Variants in DYM observed in about 807,000 individuals in gnomAD.
The protein encoded by DYM is dymeclin.
Under a neutral mutation model 93.1 loss-of-function variants are expected in DYM, and 78 were observed. That is an observed-to-expected ratio of 0.84 (90% CI 0.70 to 1.01). DYM has a LOEUF of 1.01. DYM is among the 50% of genes least tolerant of loss of function. The pLI is 0.00. For missense variants in DYM, 789 were observed against 845.0 expected, an observed-to-expected ratio of 0.93 and a Z score of 0.82; for synonymous variants, 321 against 319.7, an observed-to-expected ratio of 1.00 and a Z score of -0.04.
At chr18:49,441,311 A>AATTAT (rs1568455312) in intron 1 of DYM, among the ~76,000 whole-genome samples, 1 of 34,382 alleles carries the variant, frequency 2.9e-5, no homozygotes, top group African/African-American at 1.8e-4. Flanking sequence ...ATATATAATT[A>AATTAT]ATATATAATT....
chr18:49,316,814 T>C (rs140788149), intron 8 of DYM, among the ~76,000 whole-genome samples: 46 of 152,286 alleles, frequency 3.0e-4, no homozygotes, highest in Non-Finnish European at 2.1e-4. Context: ...TCATACAGTA[T>C]AGACAGCCTC....
intron 17 of DYM, among the ~76,000 whole-genome samples, chr18:49,080,942 G>C (rs1280155342): frequency 6.6e-6 from 1 of 151,242 alleles, no homozygotes; most frequent in Admixed American, 6.6e-5. Context: ...TTCCCAGATG[G>C]GATGGCTGCG....
chr18:49,342,718 C>A (rs1470705032), intron 6 of DYM, among the ~76,000 whole-genome samples: 2 of 152,132 alleles, frequency 1.3e-5, no homozygotes, highest in African/African-American at 2.4e-5. Flanking sequence ...TTTTAATGTA[C>A]CCTTTCTATG....
intron 15 of DYM, among the ~76,000 whole-genome samples, chr18:49,142,732 C>T (rs1477278344): frequency 6.6e-6 from 1 of 152,118 alleles, no homozygotes; most frequent in Non-Finnish European, 1.5e-5. Flanking sequence ...ATAAAATTTT[C>T]AAGTTACTTA....
intron 10 of DYM, 64 bp from the exon 11 acceptor site, chr18:49,272,367 C>A: frequency 9.0e-7 from 1 of 1,109,104 alleles, no homozygotes; most frequent in Non-Finnish European, 1.3e-6. Context: ...TGTTTTAAAT[C>A]TTTACACTTT....
chr18:49,311,427 A>C (rs902833036), intron 8 of DYM, among the ~76,000 whole-genome samples: 12 of 152,184 alleles, frequency 7.9e-5, no homozygotes, highest in African/African-American at 2.7e-4. Context: ...ATTCACATAA[A>C]AGATGTTTAT....
intron 5 of DYM, among the ~76,000 whole-genome samples, chr18:49,377,013 G>A (rs1354919148): frequency 1.3e-5 from 2 of 152,148 alleles, no homozygotes; most frequent in Non-Finnish European, 2.9e-5. Flanking sequence ...TCAGGTAATG[G>A]GGTCTCAGAG....
At chr18:49,214,622 T>G (rs2092943164) in intron 13 of DYM, among the ~76,000 whole-genome samples, 2 of 151,814 alleles carry the variant, frequency 1.3e-5, no homozygotes, top group Non-Finnish European at 2.9e-5. Context: ...GAAGAGGGGC[T>G]GAAGGGGCTA....
At chr18:49,129,356 G>GA (rs934016714) in intron 15 of DYM, among the ~76,000 whole-genome samples, 7 of 152,086 alleles carry the variant, frequency 4.6e-5, no homozygotes, top group African/African-American at 1.7e-4. Flanking sequence ...TTAGTGAGGA[G>GA]AAAAAAACCA....
At chr18:49,163,072 T>A (rs1259066531) in intron 15 of DYM, among the ~76,000 whole-genome samples, 1 of 152,244 alleles carries the variant, frequency 6.6e-6, no homozygotes, top group African/African-American at 2.4e-5. Flanking sequence ...ATACTTCCTA[T>A]AAAATCATCC....
intron 2 of DYM, among the ~76,000 whole-genome samples, chr18:49,394,424 T>G (rs529381408): frequency 5.9e-5 from 9 of 152,318 alleles, no homozygotes; most frequent in Non-Finnish European, 1.3e-4. Context: ...GCTGTTTTGG[T>G]TACTATTGCT....
At chr18:49,142,684 G>A (rs7236594) in intron 15 of DYM, among the ~76,000 whole-genome samples, 151,523 of 152,314 alleles carry the variant, frequency 0.99, 75,378 homozygotes, top group Middle Eastern at 1. Flanking sequence ...AGAGTACTTT[G>A]TCTATTTGCA....
In DYM at chr18:49,101,862, A is replaced by G. The variant is rs1599751353; in HGVS notation, c.1912-4347T>C. On this transcript the variant is annotated intron_variant, in intron 16 of 17. Coordinates refer to ENST00000675505, the MANE Select transcript of DYM (RefSeq NM_001353214.3). ...AGAAAGACACAGTGTAATTTGTGAG[A>G]TAAGACAGATCAAACCTGTATAATT... is the stretch of plus-strand genomic sequence containing the variant. 5.3e-5 allele frequency among the ~76,000 whole-genome samples: 8 copies of G among 152,314 alleles called. No homozygotes were observed. In the South Asian group the frequency reaches 1.4e-3, roughly 28 times the overall value.
At chr18:49,283,445 C>T (rs555553944) in intron 9 of DYM, among the ~76,000 whole-genome samples, 1 of 149,906 alleles carries the variant, frequency 6.7e-6, no homozygotes, top group Non-Finnish European at 1.5e-5. Context: ...TTTTAAAGTA[C>T]AGTCACTGGA....
chr18:49,100,509 G>A (rs986260859), intron 16 of DYM, among the ~76,000 whole-genome samples: 5 of 152,242 alleles, frequency 3.3e-5, no homozygotes, highest in Non-Finnish European at 4.4e-5. Flanking sequence ...CTGCAGAGGA[G>A]GCATGAAGCT....
At chr18:49,127,010 G>A (rs7236575) in intron 15 of DYM, among the ~76,000 whole-genome samples, 36,061 of 152,066 alleles carry the variant, frequency 0.24, 5,336 homozygotes, top group African/African-American at 0.42. Flanking sequence ...AAAACTAACC[G>A]TATTTCCTCA....
At chr18:49,289,791 A>G (rs1026119530) in intron 8 of DYM, among the ~76,000 whole-genome samples, 1 of 80,922 alleles carries the variant, frequency 1.2e-5, no homozygotes, top group African/African-American at 5.3e-5. Context: ...ATATATATAC[A>G]CACATATATA....
Position 49,056,694 on chromosome 18 carries a change from C to T in DYM, c.2026-12490G>A, listed in dbSNP as rs567462627. On this transcript the variant is annotated intron_variant, in intron 17 of 17. Coordinates refer to ENST00000675505, the MANE Select transcript of DYM (RefSeq NM_001353214.3). ...CAGGGACTACAGGCGCATGCCACCA[C>T]AACTGGGTAATTTTTTTTTTTTTTT... Among the ~76,000 whole-genome samples the T allele has an allele frequency of 2.0e-5, 3 of 147,236 alleles. No homozygotes were observed. The East Asian group carries it at 6.3e-4, about 31-fold the overall frequency.
At chr18:49,080,881 G>C (rs111689594) in intron 17 of DYM, among the ~76,000 whole-genome samples, 15,347 of 150,818 alleles carry the variant, frequency 0.1, 911 homozygotes, top group East Asian at 0.24. Flanking sequence ...GCCGGGCAGA[G>C]GCGCTCCCCA....
Sources: gnomAD v4.1 joint callset for allele counts (sites outside exome capture counted in the v4.1 genomes callset) on GRCh38, gnomAD v4.1.1 for gene constraint, MANE v1.5 for transcripts, NCBI Gene and HGNC (gene_info 2026-07-23, HGNC 2026-07-21) for gene names.